The following HMMR variants were observed in gnomAD, a reference collection of about 807,000 sequenced individuals.
The protein encoded by HMMR is hyaluronan mediated motility receptor, also known as intracellular hyaluronic acid-binding protein.
In HMMR, 108 loss-of-function variants were observed where a neutral mutation model predicts 101.0. The observed-to-expected ratio is 1.07, with a 90% CI of 0.92 to 1.25. The LOEUF (loss-of-function observed/expected upper bound fraction) is 1.25, where lower values mean the gene tolerates loss of function less well. HMMR is among the 50% of genes most tolerant of loss of function. The probability of loss-of-function intolerance (pLI) is 0.00; values close to 1 mark genes in which losing one functional copy is unlikely to be tolerated. For synonymous variants in HMMR, 296 were observed against 276.4 expected (o/e 1.07, Z -0.70); for missense variants, 813 against 788.7 (o/e 1.03, Z -0.37).
intron 10 of HMMR, among the ~76,000 whole-genome samples, chr5:163,475,156 A>G (rs1461620495): frequency 6.6e-6 from 1 of 152,022 alleles, no homozygotes; most frequent in African/African-American, 2.4e-5. Context: ...ATATGTGAAA[A>G]ATAATGTTAA....
chr5:163,475,417 G>A lies in HMMR; in HGVS notation c.1054-41G>A, dbSNP rs1016554251. The A allele has an allele frequency of 1.2e-5, 14 of 1,208,462 alleles. 1 individual carries two copies. The highest frequency in any genetic ancestry group is 1.5e-5 in the Non-Finnish European group (13 of 841,674). The allele number at this position is 1,208,462 out of a possible 1,614,324, so 74.9% of individuals were successfully genotyped here. A position where few individuals can be genotyped will look rare whatever the true frequency, so the allele number is the denominator to read the frequency against. Reference sequence around the variant, plus strand: ...TTGTCTCCTAGTACAACCTCACAATGCCATTCCAAATTATTTTGGTGGTTT... The same window carrying A: ...TTGTCTCCTAGTACAACCTCACAATACCATTCCAAATTATTTTGGTGGTTT... On this transcript the variant is annotated intron_variant, in intron 10 of 17. Transcript: ENST00000393915.
chr5:163,490,321 C>T, intron 16 of HMMR, 69 bp from the exon 17 acceptor site: 1 of 1,068,802 alleles, frequency 9.4e-7, no homozygotes, highest in Non-Finnish European at 1.4e-6. Flanking sequence ...TTGCCCGCAA[C>T]ATTGGTAACA....
intron 16 of HMMR, chr5:163,489,337 C>T (rs756888385): frequency 3.3e-5 from 5 of 152,256 alleles, no homozygotes; most frequent in African/African-American, 9.7e-5. Context: ...TTTAGAGCAC[C>T]CTTAGGCTTC....
At position 163,473,499 on chromosome 5, in the gene HMMR, A is replaced by G; in HGVS notation, c.846A>G (p.Ile282Met). The stretch of plus-strand genomic sequence containing the variant: ...AGTCTCTTGAGGAGAATATTGTTAT[A>G]TTATCTAAACAAGTAGAAGATCTAA... ...LKQSLEENIVILSKQVEDLNV... is the reference protein window; with the variant it reads ...LKQSLEENIVMLSKQVEDLNV... Residue 282 changes from isoleucine (I) to methionine (M), a missense_variant, in exon 9 of 18, where the codon ATA becomes ATG. Coordinates refer to ENST00000393915, the MANE Select transcript of HMMR (RefSeq NM_001142556.2). The G allele has an allele frequency of 5.6e-6, 9 of 1,596,170 alleles. No homozygotes were observed. Among genetic ancestry groups the G allele is most frequent in the African/African-American group, 1.3e-5 (1 of 74,326 alleles).
intron 4 of HMMR, 121 bp downstream of exon 4, chr5:163,467,869 A>G (rs1336898625): frequency 3.2e-6 from 2 of 617,714 alleles, no homozygotes; most frequent in African/African-American, 1.9e-5. Context: ...CATGCCATCC[A>G]GAACAGTGCC....
In HMMR at chr5:163,475,550, A is replaced by G. The variant is rs1759040050; in HGVS notation, c.1146A>G (p.Thr382=). 1 of 1,611,284 alleles carries G rather than the reference A, an allele frequency of 6.2e-7. No homozygotes were observed. The highest frequency in any genetic ancestry group is 1.3e-5 in the African/African-American group (1 of 74,886). ...TGTTTGAGGAAGAATTAAAGCAAAC[A>G]CTGGATGAGCTTGATAAATTACAGC... The part of the protein sequence containing the change: ...KNLFEEELKQ[T]LDELDKLQQK... The change falls in exon 11 of 18, where the codon ACA becomes ACG. Residue 382 remains threonine (T), a synonymous_variant. Transcript: ENST00000393915.
chr5:163,481,855 A>C (rs1759277684), intron 12 of HMMR, among the ~76,000 whole-genome samples: 1 of 152,190 alleles, frequency 6.6e-6, no homozygotes, highest in Admixed American at 6.5e-5. Context: ...CCCCTGCCCT[A>C]ATCCATCTTC....
chr5:163,472,547 C>T (rs1758932383), intron 7 of HMMR, among the ~76,000 whole-genome samples: 1 of 151,964 alleles, frequency 6.6e-6, no homozygotes, highest in Admixed American at 6.6e-5. Flanking sequence ...TTTATACACC[C>T]CCTGGCAATG....
At position 163,474,148 on chromosome 5, in the gene HMMR, A is replaced by T; in HGVS notation, c.996A>T (p.Glu332Asp). ...LKQKFILEQQ[E>D]REKLQQKELQ... Reference sequence around the variant, plus strand: ...AGAAGTTTATTCTTGAACAACAGGAACGTGAAAAGCTTCAACAAAAAGAAT... The same window carrying T: ...AGAAGTTTATTCTTGAACAACAGGATCGTGAAAAGCTTCAACAAAAAGAAT... Residue 332 changes from glutamate (E) to aspartate (D), a missense_variant, in exon 10 of 18, where the codon GAA (glutamate) becomes GAT (aspartate). Coordinates refer to ENST00000393915, the MANE Select transcript of HMMR (RefSeq NM_001142556.2). The T allele has an allele frequency of 6.2e-7, 1 of 1,611,244 alleles. No homozygotes were observed. The highest frequency in any genetic ancestry group is 8.5e-7 in the Non-Finnish European group (1 of 1,178,448).
Position 163,475,464 on chromosome 5 carries a change from T to C in HMMR, c.1060T>C (p.Ser354Pro), listed in dbSNP as rs1759037308. 2.5e-6 allele frequency: 4 copies of C among 1,581,124 alleles called. No individual in the cohort carries two copies. Among genetic ancestry groups the C allele is most frequent in the Non-Finnish European group, 3.5e-6 (4 of 1,159,110 alleles). ...GTTTTCTGTTTGGATATAGGAATTA[T>C]CTTCGAGTCTTCATCAGAAGCTCTG... ...DSLLQQEKEL[S>P]SSLHQKLCSF... Residue 354 changes from serine to proline, a missense_variant, in exon 11 of 18, where the codon TCT (serine) becomes CCT (proline). Physicochemically the swap from Ser to Pro is moderately conservative, Grantham distance 74 (BLOSUM62 -1). Transcript: ENST00000393915.
intron 11 of HMMR, among the ~76,000 whole-genome samples, chr5:163,477,297 T>G (rs1276522470): frequency 6.6e-6 from 1 of 152,218 alleles, no homozygotes; most frequent in African/African-American, 2.4e-5. Flanking sequence ...GAGTTCAAAT[T>G]GCAAATATTT....
chr5:163,472,226 G>A (rs1167436983), intron 7 of HMMR, among the ~76,000 whole-genome samples: 1 of 151,894 alleles, frequency 6.6e-6, no homozygotes, highest in African/African-American at 2.4e-5. Flanking sequence ...GCATGTGTGT[G>A]TGTTGCTTCT....
intron 1 of HMMR, among the ~76,000 whole-genome samples, chr5:163,461,693 G>A (rs541505229): frequency 6.6e-6 from 1 of 152,104 alleles, no homozygotes; most frequent in East Asian, 1.9e-4. Flanking sequence ...TGAGGCAGGA[G>A]AATGGCGTGA....
At chr5:163,464,351 C>G (rs750209541) in intron 2 of HMMR, among the ~76,000 whole-genome samples, 2 of 152,162 alleles carry the variant, frequency 1.3e-5, no homozygotes, top group Non-Finnish European at 2.9e-5. Context: ...CAAGGTGGCT[C>G]GTGCTCGTAA....
chr5:163,461,172 G>C (rs1758518202), intron 1 of HMMR, among the ~76,000 whole-genome samples: 1 of 152,114 alleles, frequency 6.6e-6, no homozygotes, highest in Non-Finnish European at 1.5e-5. Context: ...ATTAGTAAAG[G>C]CAGTTTATGG....
chr5:163,486,552 G>T (rs969922409), intron 16 of HMMR, among the ~76,000 whole-genome samples: 2 of 152,128 alleles, frequency 1.3e-5, no homozygotes, highest in African/African-American at 4.8e-5. Context: ...TATAGATCAT[G>T]TCTTTTGCAA....
chr5:163,467,833 T>A, intron 4 of HMMR, 85 bp downstream of exon 4: 1 of 849,152 alleles, frequency 1.2e-6, no homozygotes, highest in Non-Finnish European at 1.9e-6. Flanking sequence ...TCTGTTGCAG[T>A]GTGAGGAGTC....
Position 163,474,204 on chromosome 5 carries a change from A to T in HMMR, c.1052A>T (p.Lys351Ile), listed in dbSNP as rs1225153216. The T allele has an allele frequency of 1.3e-6, 2 of 1,599,944 alleles. No homozygotes were observed. Among genetic ancestry groups the T allele is most frequent in the Non-Finnish European group, 1.7e-6 (2 of 1,173,844 alleles). ...LQIDSLLQQEKELSSSLHQKL... is the reference protein window; with the variant it reads ...LQIDSLLQQEIELSSSLHQKL... ...ATTGATTCACTTCTGCAACAAGAGA[A>T]AGTAATTTACCACCATATTTTTTTA... Residue 351 changes from lysine (K) to isoleucine (I), a missense_variant and splice_region_variant, in exon 10 of 18, where the codon AAA becomes ATA. Lys to Ile is a moderately radical substitution (Grantham distance 102). Coordinates refer to ENST00000393915, the MANE Select transcript of HMMR (RefSeq NM_001142556.2).
In HMMR at chr5:163,471,274, G is replaced by A; in HGVS notation, c.549+3G>A. The A allele has an allele frequency of 6.2e-7, 1 of 1,610,238 alleles. No homozygotes were observed. Among genetic ancestry groups the A allele is most frequent in the Non-Finnish European group, 8.5e-7 (1 of 1,176,466 alleles). On this transcript the variant is annotated splice_donor_region_variant and intron_variant, in intron 6 of 17. Coordinates refer to ENST00000393915, the MANE Select transcript of HMMR (RefSeq NM_001142556.2). Reference sequence around the variant, plus strand: ...ACAAAAGAGAAACAAAGATGAGGGTGAGTGCTGCCCTTGGCAGGTTTGCTG... The same window carrying A: ...ACAAAAGAGAAACAAAGATGAGGGTAAGTGCTGCCCTTGGCAGGTTTGCTG...
Sources: allele counts gnomAD v4.1 joint callset (sites outside exome capture counted in the v4.1 genomes callset), GRCh38; gene constraint gnomAD v4.1.1; transcripts MANE v1.5; gene names NCBI Gene and HGNC (gene_info 2026-07-23, HGNC 2026-07-21).